Variants in RUSC1 observed in about 807,000 individuals in gnomAD.
RUSC1 encodes RUN and SH3 domain containing 1.
A neutral mutation model predicts 72.1 loss-of-function variants in RUSC1; 40 were observed. The ratio of observed to expected loss-of-function variants is 0.55; its 90% confidence interval spans 0.43 to 0.72. The LOEUF is 0.72. Among genes scored for constraint, RUSC1 ranks in the 30% least tolerant of loss-of-function variants. The pLI is 0.00. For synonymous variants in RUSC1, 512 were observed against 494.2 expected, an observed-to-expected ratio of 1.04 and a Z score of -0.48; for missense variants, 1,092 against 1,172.3, an observed-to-expected ratio of 0.93 and a Z score of 1.00.
Position 155,322,465 on chromosome 1 carries a change from T to C in RUSC1, c.692T>C (p.Ile231Thr), listed in dbSNP as rs202105259. 26 of 1,613,620 alleles carry C rather than the reference T, an allele frequency of 1.6e-5. No homozygotes were observed. The highest frequency in any genetic ancestry group is 2.0e-5 in the Non-Finnish European group (24 of 1,179,810). The change falls in exon 2 of 10, where the codon ATT (isoleucine) becomes ACT (threonine). Residue 231 changes from isoleucine (I) to threonine (T), a missense_variant. Ile to Thr is a moderately conservative substitution (Grantham distance 89). Coordinates refer to ENST00000368352, the MANE Select transcript of RUSC1 (RefSeq NM_001105203.2). ...DAGKTEPSWK[I>T]NPIWKIDTEK... Reference sequence around the variant, plus strand: ...GGGAAAACGGAGCCCAGTTGGAAGATTAACCCAATTTGGAAAATTGACACA... The same window carrying C: ...GGGAAAACGGAGCCCAGTTGGAAGACTAACCCAATTTGGAAAATTGACACA...
In RUSC1 at chr1:155,326,837, C is replaced by T. The variant is rs897535256; in HGVS notation, c.2119C>T (p.Arg707Trp). 7 of 1,613,486 alleles carry T rather than the reference C, an allele frequency of 4.3e-6. No homozygotes were observed. The highest frequency in any genetic ancestry group is 1.6e-4 in the Middle Eastern group (1 of 6,084). Residue 707 changes from arginine (R) to tryptophan (W), a missense_variant, in exon 8 of 10, where the codon CGG (arginine) becomes TGG (tryptophan). Coordinates refer to ENST00000368352, the MANE Select transcript of RUSC1 (RefSeq NM_001105203.2). This position sits in a 1 kb window ranked among gnomAD's most constrained non-coding sequence, Gnocchi z 4.7. ...TGGGGGCCGGCTGGCCCAGAGCCTT[C>T]GGGGGACTTCCAAGGAAGCTGCTTC... ...HFGGRLAQSLRGTSKEAASDP... is the reference protein window; with the variant it reads ...HFGGRLAQSLWGTSKEAASDP...
intron 2 of RUSC1, chr1:155,324,201 G>T: frequency 7.1e-7 from 1 of 1,409,310 alleles, no homozygotes. Flanking sequence ...GCTAGGGAGG[G>T]GTGGAGGGTG....
intron 2 of RUSC1, chr1:155,324,272 C>G: frequency 6.6e-7 from 1 of 1,521,900 alleles, no homozygotes; most frequent in South Asian, 1.3e-5. Context: ...CGAGTCCAGT[C>G]CCACGCGGGA....
intron 9 of RUSC1, 55 bp downstream of exon 9, chr1:155,328,330 A>G: frequency 6.6e-7 from 1 of 1,511,110 alleles, no homozygotes; most frequent in Non-Finnish European, 8.9e-7. Flanking sequence ...CTATCACAGC[A>G]TGGATGGGAG....
In RUSC1 at chr1:155,325,535, C is replaced by CG. The variant is rs1557996477; in HGVS notation, c.1709-29dup. 1.9e-6 allele frequency: 3 copies of CG among 1,606,198 alleles called. No homozygotes were observed. In the Admixed American group the frequency reaches 5.0e-5, roughly 27 times the overall value. On this transcript the variant is annotated intron_variant, in intron 5 of 9. Coordinates refer to ENST00000368352, the MANE Select transcript of RUSC1 (RefSeq NM_001105203.2). This position sits in a 1 kb window ranked among gnomAD's most constrained non-coding sequence, Gnocchi z 6.5. The stretch of plus-strand genomic sequence containing the variant: ...GACCCGGCAGTGCGCAGGGCAGGGC[C>CG]GGGCTTGGCTGACTGCACCCCACGT...
Position 155,330,637 on chromosome 1 carries a change from A to C in RUSC1, c.*66A>C. On this transcript the variant is annotated 3_prime_UTR_variant, in exon 10 of 10. Transcript: ENST00000368352. ...CCTGGGAATGGAATGGCCAGTGAACACCATCCCAGAAGCATTTTCCCTCTG... is the reference window on the plus strand; with the variant it reads ...CCTGGGAATGGAATGGCCAGTGAACCCCATCCCAGAAGCATTTTCCCTCTG... 1.4e-6 allele frequency: 2 copies of C among 1,419,310 alleles called. No homozygotes were observed. Among genetic ancestry groups the C allele is most frequent in the Non-Finnish European group, 1.9e-6 (2 of 1,057,988 alleles). The allele number at this position is 1,419,310 out of a possible 1,614,324, so 87.9% of individuals were successfully genotyped here.
At chr1:155,330,371 T>TCATCC (rs774582554) in intron 9 of RUSC1, 32 bp from the exon 10 acceptor site, 2 of 1,611,596 alleles carry the variant, frequency 1.2e-6, no homozygotes, top group Non-Finnish European at 1.7e-6. Context: ...CCACCTCACC[T>TCATCC]CATCCCAGTA....
intron 9 of RUSC1, 24 bp from the exon 10 acceptor site, chr1:155,330,379 G>A (rs780180601): frequency 6.2e-7 from 1 of 1,611,948 alleles, no homozygotes; most frequent in African/African-American, 1.3e-5. Context: ...CCTCATCCCA[G>A]TATCTTCCTC....
chr1:155,324,175 C>T (rs1219564977), intron 2 of RUSC1: 19 of 1,382,270 alleles, frequency 1.4e-5, no homozygotes, highest in Non-Finnish European at 1.6e-5. Flanking sequence ...GCAGCTCGGG[C>T]CTGCCCCCCG....
rs780285957 is a variant in RUSC1, at chr1:155,325,506, G to A, written c.1708+16G>A. On this transcript the variant is annotated intron_variant, in intron 5 of 9. Transcript: ENST00000368352. This position sits in a 1 kb window ranked among gnomAD's most constrained non-coding sequence, Gnocchi z 6.5. ...GTGAAGCCAGGTGAGCCAGGAGGGC[G>A]TGGGACCCGGCAGTGCGCAGGGCAG... 1.9e-6 allele frequency: 3 copies of A among 1,599,858 alleles called. No individual in the cohort carries two copies. The highest frequency in any genetic ancestry group is 2.6e-6 in the Non-Finnish European group (3 of 1,175,954).
In RUSC1 at chr1:155,326,584, G is replaced by T; in HGVS notation, c.1866G>T (p.Leu622=). 1 of 1,606,888 alleles carries T rather than the reference G, an allele frequency of 6.2e-7. No homozygotes were observed. ...TGTTGGCCTGCTCTTTTCCAGGCCT[G>T]CTCTCCCTCCTGTACCTGCCAACAG... ...WFSSLQEDAG[L]LSLLYLPTGF... is the part of the protein sequence containing the mutation. The change falls in exon 8 of 10, where the codon CTG becomes CTT. Residue 622 remains leucine (L), a synonymous_variant. Coordinates refer to ENST00000368352, the MANE Select transcript of RUSC1 (RefSeq NM_001105203.2). The surrounding 1 kb of genome is among the most constrained non-coding windows in gnomAD (Gnocchi z 4.7).
Position 155,330,626 on chromosome 1 carries a change from G to A in RUSC1, c.*55G>A. ...CCTTCCTGTCACCTGGGAATGGAAT[G>A]GCCAGTGAACACCATCCCAGAAGCA... On this transcript the variant is annotated 3_prime_UTR_variant, in exon 10 of 10. Transcript: ENST00000368352. The A allele has an allele frequency of 6.8e-7, 1 of 1,481,480 alleles. No individual in the cohort carries two copies. The highest frequency in any genetic ancestry group is 9.1e-7 in the Non-Finnish European group (1 of 1,102,710). The allele number at this position is 1,481,480 out of a possible 1,614,324, so 91.8% of individuals were successfully genotyped here. A position where few individuals can be genotyped will look rare whatever the true frequency, so the allele number is the denominator to read the frequency against.
In RUSC1 at chr1:155,323,118, G is replaced by C. The variant is rs1043613871; in HGVS notation, c.1345G>C (p.Ala449Pro). The C allele has an allele frequency of 7.0e-7, 1 of 1,422,108 alleles. No individual in the cohort carries two copies. Among genetic ancestry groups the C allele is most frequent in the Non-Finnish European group, 9.1e-7 (1 of 1,093,608 alleles). The allele number at this position is 1,422,108 out of a possible 1,614,324, so 88.1% of individuals were successfully genotyped here. Reference protein sequence around the residue: ...APAAKEPGAQAGLEVRSSWSF... With the variant: ...APAAKEPGAQPGLEVRSSWSF... ...AGCCGCGAAGGAGCCGGGCGCGCAG[G>C]CCGGCCTGGAGGGTAAGAGGTCGCA... is the stretch of plus-strand genomic sequence containing the variant. Residue 449 changes from alanine (A) to proline (P), a missense_variant, in exon 2 of 10, where the codon GCC becomes CCC. By Grantham distance (27) the Ala-to-Pro change is conservative. Transcript: ENST00000368352.
Position 155,327,090 on chromosome 1 carries a change from C to G in RUSC1, c.2372C>G (p.Pro791Arg). ...GLWLGRLFGV[P>R]GGPAENENGA... Reference sequence around the variant, plus strand: ...TGGTTGGGAAGACTATTTGGAGTGCCTGGGGGCCCCGCAGAAAATGAGAAT... The same window carrying G: ...TGGTTGGGAAGACTATTTGGAGTGCGTGGGGGCCCCGCAGAAAATGAGAAT... Residue 791 changes from proline to arginine, a missense_variant, in exon 8 of 10, where the codon CCT (proline) becomes CGT (arginine). Physicochemically the swap from Pro to Arg is moderately radical, Grantham distance 103 (BLOSUM62 -2). Coordinates refer to ENST00000368352, the MANE Select transcript of RUSC1 (RefSeq NM_001105203.2). 1.9e-6 allele frequency: 3 copies of G among 1,609,302 alleles called. No individual in the cohort carries two copies. The highest frequency in any genetic ancestry group is 2.5e-6 in the Non-Finnish European group (3 of 1,176,900).
Position 155,323,106 on chromosome 1 carries a change from C to CCGGG in RUSC1, c.1336_1339dup (p.Ala447GlyfsTer10), listed in dbSNP as rs1221260587. 7.0e-7 allele frequency: 1 copy of CCGGG among 1,423,326 alleles called. No individual in the cohort carries two copies. The highest frequency in any genetic ancestry group is 9.1e-7 in the Non-Finnish European group (1 of 1,093,576). The allele number at this position is 1,423,326 out of a possible 1,614,324, so 88.2% of individuals were successfully genotyped here. A position where few individuals can be genotyped will look rare whatever the true frequency, so the allele number is the denominator to read the frequency against. ...CGAGGAGGCCCCAGCCGCGAAGGAG[C>CCGGG]CGGGCGCGCAGGCCGGCCTGGAGGG... On this transcript the variant is annotated frameshift_variant, in exon 2 of 10. Coordinates refer to ENST00000368352, the MANE Select transcript of RUSC1 (RefSeq NM_001105203.2). LOFTEE classifies it high-confidence loss of function.
Position 155,321,951 on chromosome 1 carries a change from G to A in RUSC1, c.178G>A (p.Val60Met), listed in dbSNP as rs1650590284. The A allele has an allele frequency of 6.2e-7, 1 of 1,601,022 alleles. No individual in the cohort carries two copies. The highest frequency in any genetic ancestry group is 8.5e-7 in the Non-Finnish European group (1 of 1,173,648). Reference sequence around the variant, plus strand: ...CAGGGGCCCCTGCAGTGGCACCCTGGTGGACGCCAATTCCAACAGCCCAGC... The same window carrying A: ...CAGGGGCCCCTGCAGTGGCACCCTGATGGACGCCAATTCCAACAGCCCAGC... ...ESRGPCSGTLVDANSNSPAVP... is the reference protein window; with the variant it reads ...ESRGPCSGTLMDANSNSPAVP... Residue 60 changes from valine to methionine, a missense_variant, in exon 2 of 10, where the codon GTG (valine) becomes ATG (methionine). Transcript: ENST00000368352.
Position 155,321,988 on chromosome 1 carries a change from G to A in RUSC1, c.215G>A (p.Arg72Gln), listed in dbSNP as rs964868866. ...TCCAACAGCCCAGCTGTGCCCTGCC[G>A]GTGCTGCCAGGAGCACGGTCCGGGC... ...ANSNSPAVPCRCCQEHGPGLE... is the reference protein window; with the variant it reads ...ANSNSPAVPCQCCQEHGPGLE... The change falls in exon 2 of 10, where the codon CGG (arginine) becomes CAG (glutamine). Residue 72 changes from arginine (R) to glutamine (Q), a missense_variant. Coordinates refer to ENST00000368352, the MANE Select transcript of RUSC1 (RefSeq NM_001105203.2). The A allele has an allele frequency of 2.5e-6, 4 of 1,599,114 alleles. No individual in the cohort carries two copies. The highest frequency in any genetic ancestry group is 1.7e-5 in the Admixed American group (1 of 58,656).
In RUSC1 at chr1:155,326,082, GACC is replaced by G. The variant is rs1349426356; in HGVS notation, c.1861+173_1861+175del. The G allele has an allele frequency of 5.5e-6, 4 of 725,052 alleles. No individual in the cohort carries two copies. Among genetic ancestry groups the G allele is most frequent in the Admixed American group, 2.5e-5 (1 of 40,020 alleles). The allele number at this position is 725,052 out of a possible 1,614,324, so 44.9% of individuals were successfully genotyped here. A position where few individuals can be genotyped will look rare whatever the true frequency, so the allele number is the denominator to read the frequency against. ...GAGGCCCATCGCCCATAGGATGAAA[GACC>G]CAAAGCCTTGGCTGTCTGGCCTCTG... On this transcript the variant is annotated intron_variant, in intron 7 of 9. Transcript: ENST00000368352. The surrounding 1 kb of genome is among the most constrained non-coding windows in gnomAD (Gnocchi z 4.7).
Position 155,326,909 on chromosome 1 carries a change from G to A in RUSC1, c.2191G>A (p.Glu731Lys), listed in dbSNP as rs368242374. 5.6e-6 allele frequency: 9 copies of A among 1,613,764 alleles called. No homozygotes were observed. The African/African-American group carries it at 1.1e-4, about 19-fold the overall frequency. Residue 731 changes from glutamate to lysine, a missense_variant, in exon 8 of 10, where the codon GAG becomes AAG. Physicochemically the swap from Glu to Lys is moderately conservative, Grantham distance 56. Coordinates refer to ENST00000368352, the MANE Select transcript of RUSC1 (RefSeq NM_001105203.2). The surrounding 1 kb of genome is among the most constrained non-coding windows in gnomAD (Gnocchi z 4.7). ...PNLPTPGSWWEQLTQASRVYA... is the reference protein window; with the variant it reads ...PNLPTPGSWWKQLTQASRVYA... ...CCTTCCCACACCAGGGAGCTGGTGGGAGCAGTTGACCCAGGCCTCCCGGGT... is the reference window on the plus strand; with the variant it reads ...CCTTCCCACACCAGGGAGCTGGTGGAAGCAGTTGACCCAGGCCTCCCGGGT...
Sources: gnomAD v4.1 joint callset for allele counts on GRCh38, gnomAD v4.1.1 for gene constraint, Gnocchi (gnomAD v3.1) non-coding constraint, MANE v1.5 for transcripts, NCBI Gene and HGNC (gene_info 2026-07-23, HGNC 2026-07-21) for gene names.